Variants in PCDH15 observed in about 807,000 individuals in gnomAD.
The protein encoded by PCDH15 is protocadherin related 15.
In PCDH15, 129 loss-of-function variants were observed where a neutral mutation model predicts 178.5. That is an observed-to-expected ratio of 0.72 (90% confidence interval 0.63 to 0.84). The LOEUF is 0.84. Among genes scored for constraint, PCDH15 ranks in the 40% least tolerant of loss-of-function variants. The pLI is 0.00. For synonymous variants in PCDH15, 800 were observed against 732.0 expected, an observed-to-expected ratio of 1.09 and a Z score of -1.50; for missense variants, 2,230 against 2,099.9, an observed-to-expected ratio of 1.06 and a Z score of -1.21.
At chr10:55,164,774 G>A (rs1352695462) in intron 2 of PCDH15, among the ~76,000 whole-genome samples, 1 of 152,052 alleles carries the variant, frequency 6.6e-6, no homozygotes, top group African/African-American at 2.4e-5. Context: ...CACCTCTGAT[G>A]AAACTGAATC....
At chr10:55,410,089 TTTGTTATTATTA>T (rs1182341709) in intron 2 of PCDH15, among the ~76,000 whole-genome samples, 2 of 152,124 alleles carry the variant, frequency 1.3e-5, no homozygotes, top group East Asian at 1.9e-4. Context: ...CTATTATGCT[TTTGTTATTATTA>T]TTGTTATTAT....
intron 2 of PCDH15, among the ~76,000 whole-genome samples, chr10:54,570,838 T>TTTTTTG (rs1222911627): frequency 1.3e-5 from 2 of 150,546 alleles, no homozygotes; most frequent in Admixed American, 1.3e-4. Flanking sequence ...TCTTTTTTTT[T>TTTTTTG]TGTATTTTTA....
rs200788397 is a variant in PCDH15, at chr10:54,408,166, TA to T, written c.158-29225del. ...TTAGGAACATAATTAGCTGTTTTTT[TA>T]AAAAAAAAAAATTGATGCATGCTTG... On this transcript the variant is annotated intron_variant, in intron 3 of 37. Transcript: ENST00000644397. Among the ~76,000 whole-genome samples the T allele has an allele frequency of 8.5e-3, 1,259 of 148,164 alleles. 7 individuals carry two copies. Among genetic ancestry groups the T allele is most frequent in the African/African-American group, 0.025 (1,009 of 40,640 alleles).
At chr10:54,891,804 C>CT (rs913754840) in intron 3 of PCDH15, among the ~76,000 whole-genome samples, 1 of 152,074 alleles carries the variant, frequency 6.6e-6, no homozygotes, top group Non-Finnish European at 1.5e-5. Flanking sequence ...TTGAAGAAGG[C>CT]TGTAGAATAT....
At chr10:54,938,945 T>G (rs938209049) in intron 2 of PCDH15, among the ~76,000 whole-genome samples, 5 of 152,112 alleles carry the variant, frequency 3.3e-5, no homozygotes, top group Non-Finnish European at 7.4e-5. Flanking sequence ...GTTACAGAAA[T>G]GAATTTTAAA....
intron 1 of PCDH15, among the ~76,000 whole-genome samples, chr10:54,714,539 G>A (rs1341631950): frequency 6.6e-6 from 1 of 152,026 alleles, no homozygotes; most frequent in African/African-American, 2.4e-5. Flanking sequence ...TTCCAATATA[G>A]GAATCATAAC....
intron 1 of PCDH15, among the ~76,000 whole-genome samples, chr10:55,279,643 T>C: frequency 6.6e-6 from 1 of 152,314 alleles, no homozygotes; most frequent in East Asian, 1.9e-4. Flanking sequence ...TCCCAGAAAT[T>C]ATGTAATCAG....
upstream of PCDH15, among the ~76,000 whole-genome samples, chr10:54,803,736 G>A (rs1952728950): frequency 6.6e-6 from 1 of 152,156 alleles, no homozygotes; most frequent in Non-Finnish European, 1.5e-5. Context: ...GTCAATCATA[G>A]ATACATGAAA....
chr10:54,655,261 AG>A (rs2094358946), intron 2 of PCDH15, among the ~76,000 whole-genome samples: 1 of 71,960 alleles, frequency 1.4e-5, no homozygotes, highest in African/African-American at 4.8e-5. Context: ...AAAGAAAGAG[AG>A]AGAGAGAGAG....
At chr10:54,854,992 C>A (rs75471777) in intron 3 of PCDH15, among the ~76,000 whole-genome samples, 3,029 of 152,304 alleles carry the variant, frequency 0.02, 99 homozygotes, top group African/African-American at 0.067. Context: ...ATGTTAAAAC[C>A]CCATCCACGT....
In PCDH15 at chr10:55,315,648, T is replaced by C. The variant is rs1366925434; in HGVS notation, c.-156+3951A>G. 3.9e-5 allele frequency among the ~76,000 whole-genome samples: 6 copies of C among 152,194 alleles called. No homozygotes were observed. In the South Asian group the frequency reaches 8.3e-4, roughly 21 times the overall value. The stretch of plus-strand genomic sequence containing the variant: ...CTTGCTTTTTTATAATATTGATTTA[T>C]GCAGGGGAAAAATGTCCATATTTAT... On this transcript the variant is annotated intron_variant, in intron 1 of 5. Coordinates refer to the PCDH15 transcript ENST00000458638.
At chr10:53,992,555 C>T (rs535637910) in intron 21 of PCDH15, among the ~76,000 whole-genome samples, 1 of 152,182 alleles carries the variant, frequency 6.6e-6, no homozygotes, top group African/African-American at 2.4e-5. Context: ...TGTTCACATA[C>T]TCACAAAAGA....
At chr10:54,427,269 GTTTTTTTTTT>G (rs71007854) in intron 3 of PCDH15, among the ~76,000 whole-genome samples, 2 of 56,762 alleles carry the variant, frequency 3.5e-5, no homozygotes, top group African/African-American at 8.3e-5. Context: ...TCTTTTTCTG[GTTTTTTTTTT>G]TTTTTTTTTT....
chr10:54,503,225 A>ATGTGTGTGTGTG lies in PCDH15; in HGVS notation c.157+24575_157+24586dup, dbSNP rs35951831. Among the ~76,000 whole-genome samples the ATGTGTGTGTGTG allele has an allele frequency of 2.6e-4, 22 of 83,774 alleles. No homozygotes were observed. In the East Asian group the frequency reaches 0.011, roughly 43 times the overall value. 55.0% of individuals were successfully genotyped at this position (83,774 alleles called of 152,430 possible). A position where few individuals can be genotyped will look rare whatever the true frequency, so the allele number is the denominator to read the frequency against. On this transcript the variant is annotated intron_variant, in intron 3 of 37. Coordinates refer to ENST00000644397, the MANE Select transcript of PCDH15 (RefSeq NM_001384140.1). ...AATCCCAGGCCAAATATACATATAT[A>ATGTGTGTGTGTG]TGTGTGTGTGTGTGTGTGTGTGTGT... is the stretch of plus-strand genomic sequence containing the variant.
chr10:54,503,453 C>G (rs1406473553), intron 3 of PCDH15, among the ~76,000 whole-genome samples: 2 of 150,464 alleles, frequency 1.3e-5, no homozygotes, highest in African/African-American at 4.9e-5. Context: ...GCAATAATGA[C>G]CAAGTGAACA....
At chr10:55,580,766 T>C (rs754260517) in intron 2 of PCDH15, among the ~76,000 whole-genome samples, 15 of 152,188 alleles carry the variant, frequency 9.9e-5, no homozygotes, top group Non-Finnish European at 2.1e-4. Context: ...TCTCACCACC[T>C]TCCATTGCCT....
intron 2 of PCDH15, among the ~76,000 whole-genome samples, chr10:54,967,983 T>A (rs1838834387): frequency 6.6e-6 from 1 of 152,136 alleles, no homozygotes; most frequent in African/African-American, 2.4e-5. Flanking sequence ...CATTTTACCT[T>A]GTCTCCAAAT....
intron 2 of PCDH15, among the ~76,000 whole-genome samples, chr10:55,357,270 A>G (rs547462737): frequency 4.6e-5 from 7 of 152,084 alleles, no homozygotes; most frequent in African/African-American, 1.7e-4. Context: ...AAGTATTTAG[A>G]ATATTTTTTA....
chr10:53,954,508 G>T (rs968575668), intron 23 of PCDH15, among the ~76,000 whole-genome samples: 2 of 152,162 alleles, frequency 1.3e-5, no homozygotes, highest in African/African-American at 4.8e-5. Context: ...TTTTGATCAA[G>T]GTCTTCACAA....
Sources: gnomAD v4.1 joint callset for allele counts (sites outside exome capture counted in the v4.1 genomes callset) on GRCh38, gnomAD v4.1.1 for gene constraint, MANE v1.5 for transcripts, NCBI Gene and HGNC (gene_info 2026-07-23, HGNC 2026-07-21) for gene names.